Variants in PDGFD observed in about 807,000 individuals in gnomAD.
The protein encoded by PDGFD is platelet derived growth factor D.
A neutral mutation model predicts 44.7 loss-of-function variants in PDGFD; 30 were observed. The observed-to-expected ratio is 0.67, with a 90% CI of 0.50 to 0.91. PDGFD has a LOEUF of 0.91. Ranked by LOEUF, PDGFD falls within the 40% of genes least tolerant of loss-of-function variation. The probability of loss-of-function intolerance (pLI) is 0.00; values close to 1 mark genes in which losing one functional copy is unlikely to be tolerated. For synonymous variants in PDGFD, 173 were observed against 168.4 expected, an observed-to-expected ratio of 1.03 and a Z score of -0.21; for missense variants, 445 against 457.8, an observed-to-expected ratio of 0.97 and a Z score of 0.25.
At position 104,099,339 on chromosome 11, in the gene PDGFD, T is replaced by C. The variant is rs1485088557; in HGVS notation, c.124+64465A>G. Among the ~76,000 whole-genome samples the C allele has an allele frequency of 2.0e-5, 3 of 152,192 alleles. No homozygotes were observed. In the East Asian group the frequency reaches 5.8e-4, roughly 29 times the overall value. The stretch of plus-strand genomic sequence containing the variant: ...ATAAATTACTAAATTACTGTTATGA[T>C]GAAATATGAACATTTTCCTGTTGGG... On this transcript the variant is annotated intron_variant, in intron 1 of 6. Coordinates refer to ENST00000393158, the MANE Select transcript of PDGFD (RefSeq NM_025208.5).
intron 1 of PDGFD, among the ~76,000 whole-genome samples, chr11:104,034,512 A>G (rs1486054218): frequency 1.3e-5 from 2 of 152,198 alleles, no homozygotes; most frequent in Admixed American, 6.5e-5. Flanking sequence ...ATGGTGTAAC[A>G]GTGCAGGCCT....
chr11:104,076,767 GC>G (rs932900777), intron 1 of PDGFD, among the ~76,000 whole-genome samples: 1 of 152,106 alleles, frequency 6.6e-6, no homozygotes, highest in Admixed American at 6.5e-5. Flanking sequence ...CTCTGTCTCT[GC>G]CACCCTTAAG....
At chr11:104,013,191 A>G (rs1352916365) in intron 1 of PDGFD, among the ~76,000 whole-genome samples, 3 of 152,158 alleles carry the variant, frequency 2.0e-5, no homozygotes, top group African/African-American at 4.8e-5. Context: ...TATCTTCCCA[A>G]TCCATCTCTT....
intron 1 of PDGFD, among the ~76,000 whole-genome samples, chr11:104,112,122 A>G (rs1861567196): frequency 2.0e-5 from 3 of 152,208 alleles, no homozygotes; most frequent in African/African-American, 7.2e-5. Flanking sequence ...AATTCAATTA[A>G]TTAAAGAAAA....
chr11:104,141,146 T>C (rs1591183927), intron 1 of PDGFD, among the ~76,000 whole-genome samples: 1 of 152,328 alleles, frequency 6.6e-6, no homozygotes, highest in East Asian at 1.9e-4. Flanking sequence ...CATTTCTGTT[T>C]AGCCTAGTTT....
chr11:104,122,237 C>T (rs1292349559), intron 1 of PDGFD, among the ~76,000 whole-genome samples: 1 of 151,970 alleles, frequency 6.6e-6, no homozygotes, highest in Non-Finnish European at 1.5e-5. Flanking sequence ...CCAGACATAT[C>T]TAACATGAAG....
chr11:103,928,961 C>G (rs1007294090), intron 5 of PDGFD, among the ~76,000 whole-genome samples: 1 of 152,096 alleles, frequency 6.6e-6, no homozygotes, highest in African/African-American at 2.4e-5. Context: ...AGGGCCAAAT[C>G]TGCTGCTTGT....
chr11:104,136,543 C>G (rs1229207989), intron 1 of PDGFD, among the ~76,000 whole-genome samples: 1 of 152,166 alleles, frequency 6.6e-6, no homozygotes, highest in African/African-American at 2.4e-5. Context: ...ATTAGAAGGA[C>G]CACTCTTCAA....
At chr11:104,069,556 T>C (rs1355002104) in intron 1 of PDGFD, among the ~76,000 whole-genome samples, 1 of 152,224 alleles carries the variant, frequency 6.6e-6, no homozygotes, top group African/African-American at 2.4e-5. Context: ...CAATTATTAA[T>C]ATGATGGCTA....
intron 1 of PDGFD, among the ~76,000 whole-genome samples, chr11:104,104,190 TG>T (rs1861438820): frequency 1.3e-5 from 2 of 152,194 alleles, no homozygotes; most frequent in African/African-American, 4.8e-5. Flanking sequence ...TTTGTACATC[TG>T]TATAATGTGT....
intron 3 of PDGFD, among the ~76,000 whole-genome samples, chr11:103,981,311 T>C (rs260835): frequency 0.55 from 83,154 of 151,202 alleles, 23,355 homozygotes; most frequent in South Asian, 0.65. Flanking sequence ...CCTCACCATA[T>C]ACTGCCCCTA....
chr11:104,160,928 C>A (rs1862379815), intron 1 of PDGFD, among the ~76,000 whole-genome samples: 1 of 152,166 alleles, frequency 6.6e-6, no homozygotes, highest in Non-Finnish European at 1.5e-5. Flanking sequence ...TTAGCTACTC[C>A]AGGTATCTGG....
At chr11:103,957,100 T>C (rs904591405) in intron 3 of PDGFD, among the ~76,000 whole-genome samples, 6 of 152,202 alleles carry the variant, frequency 3.9e-5, no homozygotes, top group African/African-American at 2.4e-5. Context: ...TTGTTGCCAT[T>C]GCTTTTGGTG....
chr11:104,119,362 G>GATATAAT lies in PDGFD; in HGVS notation c.124+44435_124+44441dup, dbSNP rs1295468314. The stretch of plus-strand genomic sequence containing the variant: ...ATATTGATATAATATATAATATATT[G>GATATAAT]ATATAATATATTGATATAATATATA... On this transcript the variant is annotated intron_variant, in intron 1 of 6. Transcript: ENST00000393158. 1.2e-3 allele frequency among the ~76,000 whole-genome samples: 13 copies of GATATAAT among 10,422 alleles called. 2 individuals carry two copies. The highest frequency in any genetic ancestry group is 1.7e-3 in the African/African-American group (6 of 3,602). 6.8% of individuals were successfully genotyped at this position (10,422 alleles called of 152,430 possible).
chr11:104,140,459 C>A (rs11226203), intron 1 of PDGFD, among the ~76,000 whole-genome samples: 1 of 145,484 alleles, frequency 6.9e-6, no homozygotes, highest in African/African-American at 2.7e-5. Context: ...ATCAACAATC[C>A]TCTGTTAAAA....
chr11:104,043,780 A>T (rs893943529), intron 1 of PDGFD, among the ~76,000 whole-genome samples: 1 of 151,992 alleles, frequency 6.6e-6, no homozygotes, highest in Non-Finnish European at 1.5e-5. Context: ...GAGGTCATAG[A>T]TTCTTTTTAA....
chr11:104,069,772 A>C (rs889091869), intron 1 of PDGFD, among the ~76,000 whole-genome samples: 3 of 152,230 alleles, frequency 2.0e-5, no homozygotes, highest in Non-Finnish European at 4.4e-5. Context: ...AGGCAGGAGA[A>C]TGGCGTGAAC....
At chr11:104,059,596 T>C (rs182264594) in intron 1 of PDGFD, among the ~76,000 whole-genome samples, 7 of 152,364 alleles carry the variant, frequency 4.6e-5, no homozygotes, top group South Asian at 2.1e-4. Context: ...ATTTACATTA[T>C]AAAAACTCCC....
At chr11:104,130,490 T>TA (rs1861905427) in intron 1 of PDGFD, among the ~76,000 whole-genome samples, 1 of 152,168 alleles carries the variant, frequency 6.6e-6, no homozygotes, top group East Asian at 1.9e-4. Context: ...GCTAGAGAGA[T>TA]ATTAGCTCTG....
Sources: gnomAD v4.1 joint callset for allele counts (sites outside exome capture counted in the v4.1 genomes callset) on GRCh38, gnomAD v4.1.1 for gene constraint, MANE v1.5 for transcripts, NCBI Gene and HGNC (gene_info 2026-07-23, HGNC 2026-07-21) for gene names.